The following SERPINB2 variants were observed in gnomAD, a reference collection of about 807,000 sequenced individuals.
The protein encoded by SERPINB2 is plasminogen activator inhibitor 2.
In SERPINB2, 28 loss-of-function variants were observed where a neutral mutation model predicts 39.4. The ratio of observed to expected loss-of-function variants is 0.71; its 90% CI spans 0.53 to 0.97. SERPINB2 has a LOEUF of 0.97. SERPINB2 is among the 50% of genes least tolerant of loss of function. The pLI is 0.00. For missense variants in SERPINB2, 557 were observed against 505.3 expected (o/e 1.10, Z -0.98); for synonymous variants, 209 against 175.1 (o/e 1.19, Z -1.53).
rs1303190272 is a variant in SERPINB2 at position 63,903,073 on chromosome 18, A to G, written c.1016A>G (p.Asn339Ser). ...GACGCCTTCAACAAGGGACGGGCCA[A>G]TTTCTCAGGGATGTCGGAGAGGAAT... ...MEDAFNKGRA[N>S]FSGMSERNDL... Residue 339 changes from asparagine to serine, a missense_variant, in exon 8 of 8, where the codon AAT becomes AGT. Coordinates refer to ENST00000299502, the MANE Select transcript of SERPINB2 (RefSeq NM_002575.3). 5 of 1,613,602 alleles carry G rather than the reference A, an allele frequency of 3.1e-6. No individual in the cohort carries two copies. The highest frequency in any genetic ancestry group is 2.7e-5 in the African/African-American group (2 of 74,874).
chr18:63,901,319 A>G (rs1431470193), intron 5 of SERPINB2, among the ~76,000 whole-genome samples: 2 of 152,172 alleles, frequency 1.3e-5, no homozygotes, highest in African/African-American at 2.4e-5. Context: ...AACGTTTTTG[A>G]ATAAATGAGT....
intron 5 of SERPINB2, among the ~76,000 whole-genome samples, chr18:63,901,259 T>G (rs1483740882): frequency 6.6e-6 from 1 of 152,190 alleles, no homozygotes; most frequent in African/African-American, 2.4e-5. Flanking sequence ...TCCTTTCTCA[T>G]CTCTTGTATC....
At chr18:63,901,648 AAG>A in intron 5 of SERPINB2, 90 bp from the exon 6 acceptor site, 1 of 880,082 alleles carries the variant, frequency 1.1e-6, no homozygotes, top group Non-Finnish European at 1.6e-6. Context: ...CTGCAATTTG[AAG>A]AATTTAGTTT....
intron 5 of SERPINB2, among the ~76,000 whole-genome samples, chr18:63,898,662 TAGTC>T (rs1568237242): frequency 6.6e-6 from 1 of 152,190 alleles, no homozygotes; most frequent in African/African-American, 2.4e-5. Flanking sequence ...TATAGAGTAG[TAGTC>T]AGTGCTTTCA....
chr18:63,895,724 A>G (rs547568122), intron 3 of SERPINB2, among the ~76,000 whole-genome samples: 2 of 152,292 alleles, frequency 1.3e-5, no homozygotes, highest in African/African-American at 4.8e-5. Flanking sequence ...TCCAGAGGAG[A>G]GAGGGTAGGG....
At position 63,888,646 on chromosome 18, in the gene SERPINB2, C is replaced by G. The variant is rs546812941; in HGVS notation, c.-10+876C>G. On this transcript the variant is annotated intron_variant, in intron 1 of 7. Coordinates refer to ENST00000299502, the MANE Select transcript of SERPINB2 (RefSeq NM_002575.3). Reference sequence around the variant, plus strand: ...GAGACAATGGCCGTGTGCCTGGTGACTCCTCCCAAATTCTTCCTTCCCTGT... The same window carrying G: ...GAGACAATGGCCGTGTGCCTGGTGAGTCCTCCCAAATTCTTCCTTCCCTGT... Among the ~76,000 whole-genome samples, 21 of 152,312 alleles carry G rather than the reference C, an allele frequency of 1.4e-4. No homozygotes were observed. In the South Asian group the frequency reaches 3.7e-3, roughly 27 times the overall value.
chr18:63,893,433 TC>T (rs2049939560), intron 2 of SERPINB2, among the ~76,000 whole-genome samples: 1 of 139,674 alleles, frequency 7.2e-6, no homozygotes, highest in African/African-American at 2.7e-5. Flanking sequence ...TTCTATATAG[TC>T]TTTTTTTTTT....
At chr18:63,900,495 A>G (rs2144705433) in intron 5 of SERPINB2, among the ~76,000 whole-genome samples, 1 of 152,310 alleles carries the variant, frequency 6.6e-6, no homozygotes, top group East Asian at 1.9e-4. Flanking sequence ...TTCCTCCTGC[A>G]GAGAAGGGCT....
At chr18:63,892,552 C>A (rs9630857) in intron 2 of SERPINB2, 40,208 of 152,116 alleles carry the variant, frequency 0.26, 5,768 homozygotes, top group East Asian at 0.48. Context: ...TTTAAGGACA[C>A]GCATGCATTG....
At position 63,895,369 on chromosome 18, in the gene SERPINB2, G is replaced by A; in HGVS notation, c.274G>A (p.Asp92Asn). 6.2e-7 allele frequency: 1 copy of A among 1,614,000 alleles called. No homozygotes were observed. Among genetic ancestry groups the A allele is most frequent in the Non-Finnish European group, 8.5e-7 (1 of 1,179,956 alleles). Residue 92 changes from aspartate to asparagine, a missense_variant, in exon 3 of 8, where the codon GAT (aspartate) becomes AAT (asparagine). Coordinates refer to ENST00000299502, the MANE Select transcript of SERPINB2 (RefSeq NM_002575.3). ...GCAGATCCAGAAGGGTAGTTATCCT[G>A]ATGCGATTTTGCAGGTATCTGACTT... ...MQQIQKGSYP[D>N]AILQAQAADK...
At chr18:63,893,022 T>C (rs1053859227) in intron 2 of SERPINB2, among the ~76,000 whole-genome samples, 1 of 152,134 alleles carries the variant, frequency 6.6e-6, no homozygotes, top group South Asian at 2.1e-4. Flanking sequence ...AACCTCCAAC[T>C]CCCAGGTTCA....
At chr18:63,893,463 G>A (rs549418669) in intron 2 of SERPINB2, among the ~76,000 whole-genome samples, 8 of 150,974 alleles carry the variant, frequency 5.3e-5, no homozygotes, top group East Asian at 3.9e-4. Flanking sequence ...TATATATATC[G>A]TCTTTTGACA....
chr18:63,901,029 T>G lies in SERPINB2; in HGVS notation c.536-711T>G, dbSNP rs544352619. ...AATACTGCAGAGCGAGTACTAACTA[T>G]AAACAAACTGCTTCTTAAACCAATT... is the stretch of plus-strand genomic sequence containing the variant. On this transcript the variant is annotated intron_variant, in intron 5 of 7. Coordinates refer to ENST00000299502, the MANE Select transcript of SERPINB2 (RefSeq NM_002575.3). Among the ~76,000 whole-genome samples the G allele has an allele frequency of 1.4e-4, 22 of 152,258 alleles. No individual in the cohort carries two copies. In the Middle Eastern group the frequency reaches 0.01, roughly 71 times the overall value.
chr18:63,902,347 G>A lies in SERPINB2; in HGVS notation c.679-57G>A. ...AACCAATCCTCCTTTATGTCTAATT[G>A]TAAATCTCTTGATATCTTATAATCG... On this transcript the variant is annotated intron_variant, in intron 6 of 7. Coordinates refer to ENST00000299502, the MANE Select transcript of SERPINB2 (RefSeq NM_002575.3). 5 of 1,426,270 alleles carry A rather than the reference G, an allele frequency of 3.5e-6. No homozygotes were observed. The South Asian group carries it at 4.6e-5, about 13-fold the overall frequency. The allele number at this position is 1,426,270 out of a possible 1,614,324, so 88.4% of individuals were successfully genotyped here.
In SERPINB2 at chr18:63,897,318, T is replaced by C. The variant is rs2049966285; in HGVS notation, c.417+99T>C. On this transcript the variant is annotated intron_variant, in intron 4 of 7. Coordinates refer to ENST00000299502, the MANE Select transcript of SERPINB2 (RefSeq NM_002575.3). The stretch of plus-strand genomic sequence containing the variant: ...AATTCAACAGTTCATAAAAGCAGAG[T>C]TGGAATTCCACACCAGCTCCCTAGG... 4.2e-6 allele frequency: 6 copies of C among 1,431,506 alleles called. No homozygotes were observed. The Admixed American group carries it at 1.1e-4, about 27-fold the overall frequency. 88.7% of individuals were successfully genotyped at this position (1,431,506 alleles called of 1,614,324 possible). A position where few individuals can be genotyped will look rare whatever the true frequency, so the allele number is the denominator to read the frequency against.
Position 63,895,396 on chromosome 18 carries a change from C to T in SERPINB2, c.288+13C>T, listed in dbSNP as rs764718580. On this transcript the variant is annotated intron_variant, in intron 3 of 7. Transcript: ENST00000299502. Reference sequence around the variant, plus strand: ...TGCGATTTTGCAGGTATCTGACTTACTGGTCCAAATTTCTTTTGTGGTTTA... The same window carrying T: ...TGCGATTTTGCAGGTATCTGACTTATTGGTCCAAATTTCTTTTGTGGTTTA... 6.2e-6 allele frequency: 10 copies of T among 1,613,786 alleles called. No individual in the cohort carries two copies. Among genetic ancestry groups the T allele is most frequent in the Non-Finnish European group, 8.5e-6 (10 of 1,179,906 alleles).
At chr18:63,893,601 G>A (rs1464177934) in intron 2 of SERPINB2, among the ~76,000 whole-genome samples, 2 of 152,330 alleles carry the variant, frequency 1.3e-5, no homozygotes, top group East Asian at 1.9e-4. Flanking sequence ...CTGTGTTTGA[G>A]TCATGGCTTT....
At chr18:63,901,578 T>G (rs1488525718) in intron 5 of SERPINB2, among the ~76,000 whole-genome samples, 162 bp from the exon 6 acceptor site, 1 of 152,204 alleles carries the variant, frequency 6.6e-6, no homozygotes, top group Non-Finnish European at 1.5e-5. Context: ...GGGAAATTTG[T>G]TTCAATTTTA....
chr18:63,892,522 C>G (rs1368033882), intron 2 of SERPINB2: 1 of 152,234 alleles, frequency 6.6e-6, no homozygotes, highest in Non-Finnish European at 1.5e-5. Context: ...TTCACACATA[C>G]AAACATTAAC....
Sources: allele counts gnomAD v4.1 joint callset (sites outside exome capture counted in the v4.1 genomes callset), GRCh38; gene constraint gnomAD v4.1.1; transcripts MANE v1.5; gene names NCBI Gene and HGNC (gene_info 2026-07-23, HGNC 2026-07-21).